Variants in NEB observed in about 807,000 individuals in gnomAD.
NEB encodes the protein nemaline myopathy type 2.
NEB carries 512 observed loss-of-function variants against 952.2 expected under a neutral mutation model. That is an observed-to-expected ratio of 0.54 (90% confidence interval 0.50 to 0.58). The LOEUF (loss-of-function observed/expected upper bound fraction) is 0.58, where lower values mean the gene tolerates loss of function less well. NEB is among the 20% of genes least tolerant of loss of function. The pLI is 0.00. For missense variants in NEB, 8,428 were observed against 9,231.1 expected, an observed-to-expected ratio of 0.91 and a Z score of 3.56; for synonymous variants, 2,900 against 3,149.8, an observed-to-expected ratio of 0.92 and a Z score of 2.66.
intron 10 of NEB, among the ~76,000 whole-genome samples, chr2:151,714,640 G>GA (rs1423771726): frequency 6.6e-6 from 1 of 152,090 alleles, no homozygotes; most frequent in African/African-American, 2.4e-5. Context: ...GGACCCCTTG[G>GA]CCCCAACAGA....
chr2:151,563,137 C>T (rs2096186159), intron 119 of NEB, among the ~76,000 whole-genome samples: 1 of 151,248 alleles, frequency 6.6e-6, no homozygotes, highest in Admixed American at 6.6e-5. Flanking sequence ...GCCTCAGCAT[C>T]CAGAGTAACT....
chr2:151,717,855 C>CT lies in NEB; in HGVS notation c.718-336dup, dbSNP rs5835379. Among the ~76,000 whole-genome samples, 455 of 140,252 alleles carry CT rather than the reference C, an allele frequency of 3.2e-3. 54 individuals carry two copies. The highest frequency in any genetic ancestry group is 7.8e-3 in the Middle Eastern group (2 of 258). The allele number at this position is 140,252 out of a possible 152,430, so 92.0% of individuals were successfully genotyped here. On this transcript the variant is annotated intron_variant, in intron 9 of 181. Coordinates refer to ENST00000397345, the MANE Select transcript of NEB (RefSeq NM_001164508.2). ...GACTTGACCATATACCTCCTTTGTT[C>CT]TTTTTTTTTTTTTTTTGAGACGGAG...
At chr2:151,718,435 A>C (rs2099765285) in intron 9 of NEB, among the ~76,000 whole-genome samples, 1 of 152,128 alleles carries the variant, frequency 6.6e-6, no homozygotes, top group African/African-American at 2.4e-5. Context: ...ACAGCCCATT[A>C]TGAGTCTCTG....
chr2:151,494,154 A>C lies in NEB; in HGVS notation c.24579+7T>G. 1 of 1,598,448 alleles carries C rather than the reference A, an allele frequency of 6.3e-7. No individual in the cohort carries two copies. The highest frequency in any genetic ancestry group is 1.1e-5 in the South Asian group (1 of 88,568). On this transcript the variant is annotated splice_region_variant and intron_variant, in intron 174 of 181. Coordinates refer to ENST00000397345, the MANE Select transcript of NEB (RefSeq NM_001164508.2). ...ATTAAAAGCACTTTTGTTTCTCAAG[A>C]CAATACCGAGCTAATGTTTTCTTGA...
At chr2:151,709,620 C>G (rs373232042) in intron 12 of NEB, 36 bp downstream of exon 12, 13 of 1,489,168 alleles carry the variant, frequency 8.7e-6, no homozygotes, top group South Asian at 1.2e-5. Context: ...TACCCACACT[C>G]AAACCATCAA....
intron 46 of NEB, 117 bp downstream of exon 46, chr2:151,662,017 TA>T: frequency 1.3e-6 from 1 of 780,010 alleles, no homozygotes; most frequent in Non-Finnish European, 1.9e-6. Flanking sequence ...TTTTTCTAGG[TA>T]AAATAACCTC....
chr2:151,720,911 G>A (rs906660802), intron 9 of NEB, among the ~76,000 whole-genome samples: 3 of 152,100 alleles, frequency 2.0e-5, no homozygotes, highest in African/African-American at 4.8e-5. Flanking sequence ...TCATACCTGA[G>A]CAATGGAACT....
In NEB at chr2:151,679,899, C is replaced by T. The variant is rs760742180; in HGVS notation, c.3147+19G>A. The stretch of plus-strand genomic sequence containing the variant: ...TAAAGTCTGGACATACGCATCAGCC[C>T]GTGAGTCCACCCACGCACCTCACTG... On this transcript the variant is annotated intron_variant, in intron 31 of 181. Transcript: ENST00000397345. The T allele has an allele frequency of 5.6e-6, 9 of 1,608,404 alleles. No homozygotes were observed. Among genetic ancestry groups the T allele is most frequent in the African/African-American group, 1.3e-5 (1 of 74,782 alleles).
At chr2:151,632,678 A>G (rs1268580315) in intron 65 of NEB, among the ~76,000 whole-genome samples, 15 of 139,752 alleles carry the variant, frequency 1.1e-4, no homozygotes, top group East Asian at 9.1e-4. Flanking sequence ...TCTGTCTCAG[A>G]AAAAAAAAAA....
At position 151,631,164 on chromosome 2, in the gene NEB, G is replaced by T; in HGVS notation, c.9597C>A (p.Asn3199Lys). Residue 3199 changes from asparagine (N) to lysine (K), a missense_variant, in exon 66 of 182, where the codon AAC becomes AAA. Asn to Lys is a moderately conservative substitution (Grantham distance 94). Transcript: ENST00000397345. ...TDSLEQVLAK[N>K]NALNMNKRLY... is the part of the protein sequence containing the mutation. ...TCACCTTATTCATGTTGAGAGCATT[G>T]TTCTTGGCCAGCACCTGCTCTAGAG... 1 of 1,613,940 alleles carries T rather than the reference G, an allele frequency of 6.2e-7. No homozygotes were observed. Among genetic ancestry groups the T allele is most frequent in the Non-Finnish European group, 8.5e-7 (1 of 1,179,856 alleles).
In NEB at chr2:151,639,219, T is replaced by A. The variant is rs1574759317; in HGVS notation, c.8994+61A>T. 2.1e-5 allele frequency: 27 copies of A among 1,293,556 alleles called. 1 individual carries two copies. In the South Asian group the frequency reaches 3.4e-4, roughly 17 times the overall value. The allele number at this position is 1,293,556 out of a possible 1,614,324, so 80.1% of individuals were successfully genotyped here. ...AAAGCTGTCATTTGGTATCATGTCA[T>A]CATAGAGTAGATCAACTGAAATAAG... On this transcript the variant is annotated intron_variant, in intron 63 of 181. Coordinates refer to ENST00000397345, the MANE Select transcript of NEB (RefSeq NM_001164508.2).
chr2:151,722,071 T>G (rs969164149), intron 9 of NEB, among the ~76,000 whole-genome samples: 2 of 152,234 alleles, frequency 1.3e-5, no homozygotes, highest in African/African-American at 4.8e-5. Context: ...TTTTGGTTCA[T>G]GGCAAGATCA....
Position 151,540,623 on chromosome 2 carries a change from G to C in NEB, c.20787+74C>G. On this transcript the variant is annotated intron_variant, in intron 137 of 181. Coordinates refer to ENST00000397345, the MANE Select transcript of NEB (RefSeq NM_001164508.2). The stretch of plus-strand genomic sequence containing the variant: ...TTTATAGTAATGAGCTCTCTGATCA[G>C]AGGTAGCAGGGGAAGGTTTTAACAA... 4.5e-6 allele frequency: 6 copies of C among 1,332,896 alleles called. No individual in the cohort carries two copies. In the South Asian group the frequency reaches 7.3e-5, roughly 16 times the overall value. The allele number at this position is 1,332,896 out of a possible 1,614,324, so 82.6% of individuals were successfully genotyped here.
chr2:151,540,774 C>T lies in NEB; in HGVS notation c.20710G>A (p.Glu6904Lys), dbSNP rs781368292. Reference sequence around the variant, plus strand: ...TTTCCAGCGTGATGATGGGGTCTCTCTTTGGTGGCAAGTTCAACATACAGA... The same window carrying T: ...TTTCCAGCGTGATGATGGGGTCTCTTTTTGGTGGCAAGTTCAACATACAGA... Reference protein sequence around the residue: ...QYLYVELATKERPHHHAGNQT... With the variant: ...QYLYVELATKKRPHHHAGNQT... Residue 6904 changes from glutamate to lysine, a missense_variant, in exon 137 of 182, where the codon GAG (glutamate) becomes AAG (lysine). Transcript: ENST00000397345. 5 of 1,613,400 alleles carry T rather than the reference C, an allele frequency of 3.1e-6. No individual in the cohort carries two copies. Among genetic ancestry groups the T allele is most frequent in the Non-Finnish European group, 4.2e-6 (5 of 1,179,584 alleles).
At chr2:151,662,105 T>C (rs375774380) in intron 46 of NEB, 30 bp downstream of exon 46, 6 of 1,566,366 alleles carry the variant, frequency 3.8e-6, no homozygotes, top group Non-Finnish European at 5.3e-6. Context: ...CTCTGATGCA[T>C]ATGAAACACT....
intron 20 of NEB, among the ~76,000 whole-genome samples, chr2:151,692,630 T>A (rs966706539): frequency 5.3e-5 from 8 of 152,188 alleles, no homozygotes; most frequent in Admixed American, 6.5e-5. Context: ...TGTCTTTTTT[T>A]AAATAATTTT....
Position 151,492,072 on chromosome 2 carries a change from C to T in NEB, c.25057+26G>A, listed in dbSNP as rs759729845. ...TCTACCCCCTCACTTAAAGTTAATC[C>T]CCTCCCCCAACCCAGGCTCAGTTAC... On this transcript the variant is annotated intron_variant, in intron 178 of 181. Transcript: ENST00000397345. 2.7e-5 allele frequency: 43 copies of T among 1,610,180 alleles called. 3 individuals carry two copies. The South Asian group carries it at 4.6e-4, about 17-fold the overall frequency.
At chr2:151,507,702 C>A in intron 162 of NEB, 1 of 305,718 alleles carries the variant, frequency 3.3e-6, no homozygotes, top group Non-Finnish European at 6.1e-6. Flanking sequence ...TTGTGTGTCT[C>A]TCTTGTTAAT....
At chr2:151,645,628 C>A (rs1279756094) in intron 55 of NEB, among the ~76,000 whole-genome samples, 1 of 152,140 alleles carries the variant, frequency 6.6e-6, no homozygotes, top group Non-Finnish European at 1.5e-5. Flanking sequence ...ATGTTAAAGT[C>A]ATTCTATTAG....
Sources: allele counts gnomAD v4.1 joint callset (sites outside exome capture counted in the v4.1 genomes callset), GRCh38; gene constraint gnomAD v4.1.1; transcripts MANE v1.5; gene names NCBI Gene and HGNC (gene_info 2026-07-23, HGNC 2026-07-21).